NEDD1: variants seen among roughly 807,000 people sequenced by gnomAD.
NEDD1 encodes NEDD1 gamma-tubulin ring complex targeting factor.
Under a neutral mutation model 74.0 loss-of-function variants are expected in NEDD1, and 33 were observed. The ratio of observed to expected loss-of-function variants is 0.45; its 90% CI spans 0.34 to 0.60. The LOEUF is 0.60. Among genes scored for constraint, NEDD1 ranks in the 20% least tolerant of loss-of-function variants. The pLI is 0.01. For missense variants in NEDD1, 746 were observed against 776.5 expected, an observed-to-expected ratio of 0.96 and a Z score of 0.47; for synonymous variants, 250 against 264.4, an observed-to-expected ratio of 0.95 and a Z score of 0.53.
At chr12:96,935,875 A>T (rs1481598907) in intron 7 of NEDD1, among the ~76,000 whole-genome samples, 2 of 152,196 alleles carry the variant, frequency 1.3e-5, no homozygotes, top group African/African-American at 4.8e-5. Flanking sequence ...TGTATTCAAG[A>T]TGCTTACCAC....
chr12:96,946,937 C>T (rs1252351242), intron 14 of NEDD1, among the ~76,000 whole-genome samples: 1 of 152,112 alleles, frequency 6.6e-6, no homozygotes, highest in Non-Finnish European at 1.5e-5. Flanking sequence ...GATTATTTCC[C>T]ATCTTTGGGC....
At chr12:96,942,336 G>C (rs112236261) in intron 10 of NEDD1, among the ~76,000 whole-genome samples, 2 of 152,066 alleles carry the variant, frequency 1.3e-5, no homozygotes, top group African/African-American at 4.8e-5. Context: ...ACTATACCTT[G>C]CTGCCTCATT....
In NEDD1 at chr12:96,944,768, C is replaced by T; in HGVS notation, c.1627C>T (p.Pro543Ser). The T allele has an allele frequency of 6.4e-7, 1 of 1,572,128 alleles. No homozygotes were observed. The highest frequency in any genetic ancestry group is 8.6e-7 in the Non-Finnish European group (1 of 1,163,512). The change falls in exon 13 of 16, where the codon CCC becomes TCC. Residue 543 changes from proline to serine, a missense_variant. Around this residue, in one of 3 missense-constraint regions of NEDD1, gnomAD observed 706 missense variants for 706.7 expected, o/e 1.00. Coordinates refer to ENST00000266742, the MANE Select transcript of NEDD1 (RefSeq NM_152905.4). ...AATTGAAGCCCAGTTGATATGTGAA[C>T]CCCCAATCAATGGATCCTCAACTCC... ...NEIEAQLICEPPINGSSTPNP... is the reference protein window; with the variant it reads ...NEIEAQLICESPINGSSTPNP...
chr12:96,934,734 C>T (rs1020226239), intron 6 of NEDD1, among the ~76,000 whole-genome samples: 1 of 151,950 alleles, frequency 6.6e-6, no homozygotes, highest in African/African-American at 2.4e-5. Context: ...GATGGGGTTT[C>T]ACTAGGTTGG....
At position 96,935,017 on chromosome 12, in the gene NEDD1, A is replaced by G. The variant is rs780902090; in HGVS notation, c.531A>G (p.Leu177=). 1.2e-6 allele frequency: 2 copies of G among 1,611,260 alleles called. No individual in the cohort carries two copies. Among genetic ancestry groups the G allele is most frequent in the South Asian group, 2.2e-5 (2 of 91,030 alleles). The change falls in exon 7 of 16, where the codon CTA becomes CTG. Residue 177 remains leucine (L), a synonymous_variant. Transcript: ENST00000266742. The stretch of plus-strand genomic sequence containing the variant: ...AGTACTCCTTGTTTAAGAAATCACT[A>G]CTGGGCAGTGTTTCGGATAATGGAA... ...HLKYSLFKKS[L]LGSVSDNGIV...
chr12:96,928,281 T>C (rs564912566), intron 6 of NEDD1, among the ~76,000 whole-genome samples: 1 of 152,320 alleles, frequency 6.6e-6, no homozygotes, highest in South Asian at 2.1e-4. Context: ...TAATTTTTAA[T>C]GACTGGATGT....
At chr12:96,925,938 AC>A (rs1875641937) in intron 6 of NEDD1, among the ~76,000 whole-genome samples, 2 of 152,138 alleles carry the variant, frequency 1.3e-5, no homozygotes, top group African/African-American at 2.4e-5. Flanking sequence ...GGAGTAAAGC[AC>A]CTTAGCTAGC....
At chr12:96,944,865 A>T in intron 13 of NEDD1, 70 bp downstream of exon 13, 1 of 1,185,370 alleles carries the variant, frequency 8.4e-7, no homozygotes. Flanking sequence ...TTTAACTTGT[A>T]AAGGAGAAAT....
At chr12:96,942,673 T>A (rs1281639473) in intron 11 of NEDD1, 49 bp downstream of exon 11, 1 of 883,656 alleles carries the variant, frequency 1.1e-6, no homozygotes, top group Non-Finnish European at 1.9e-6. Context: ...GTGAATTGTA[T>A]TATCTATGCT....
At chr12:96,930,205 ACACACACTCTCTCT>A (rs1241783956) in intron 6 of NEDD1, among the ~76,000 whole-genome samples, 12 of 76,460 alleles carry the variant, frequency 1.6e-4, no homozygotes, top group African/African-American at 5.8e-4. Context: ...ACACACACAC[ACACACACTCTCTCT>A]CTCTCTCTCT....
At chr12:96,951,392 A>C (rs746596709) in intron 14 of NEDD1, 40 bp from the exon 15 acceptor site, 2 of 1,192,758 alleles carry the variant, frequency 1.7e-6, no homozygotes, top group Admixed American at 2.0e-5. Context: ...GAATTGGTTA[A>C]ACTATTGTAA....
At chr12:96,912,951 T>C (rs915598246) in intron 4 of NEDD1, 134 bp downstream of exon 4, 1 of 558,302 alleles carries the variant, frequency 1.8e-6, no homozygotes, top group Non-Finnish European at 3.2e-6. Context: ...CAAAATAATA[T>C]AGTAACACTT....
intron 6 of NEDD1, among the ~76,000 whole-genome samples, chr12:96,932,369 A>G: frequency 7.2e-6 from 1 of 139,024 alleles, no homozygotes; most frequent in Non-Finnish European, 1.5e-5. Flanking sequence ...CACTTTGGGA[A>G]GCTGAGGCAG....
intron 3 of NEDD1, among the ~76,000 whole-genome samples, chr12:96,911,993 A>T (rs895867710): frequency 6.6e-6 from 1 of 152,154 alleles, no homozygotes; most frequent in Non-Finnish European, 1.5e-5. Flanking sequence ...TCTCAAAATC[A>T]GACTCTTATT....
intron 5 of NEDD1, among the ~76,000 whole-genome samples, chr12:96,919,158 G>C (rs1874788399): frequency 6.6e-6 from 1 of 152,128 alleles, no homozygotes; most frequent in Non-Finnish European, 1.5e-5. Flanking sequence ...GGAAAACATA[G>C]TCCTTGTGAA....
Position 96,935,158 on chromosome 12 carries a change from C to T in NEDD1, c.672C>T (p.Thr224=). 1.2e-6 allele frequency: 2 copies of T among 1,612,306 alleles called. No homozygotes were observed. Among genetic ancestry groups the T allele is most frequent in the South Asian group, 1.1e-5 (1 of 91,044 alleles). ...CTGTCAATGAATTGCTCTTTGTAAC[C>T]ATAGGCTTGGATAAAAGAATCATCC... ...FSPVNELLFV[T]IGLDKRIILY... is the part of the protein sequence containing the mutation. The change falls in exon 7 of 16, where the codon ACC becomes ACT. Residue 224 remains threonine (T), a synonymous_variant. Coordinates refer to ENST00000266742, the MANE Select transcript of NEDD1 (RefSeq NM_152905.4).
rs969602965 is a variant in NEDD1, at chr12:96,953,551, A to T, written c.*1498A>T. The stretch of plus-strand genomic sequence containing the variant: ...ATTAATATTTTCCTGTTGCTTTTTT[A>T]AAAAAATAAATACACATAATGTATA... On this transcript the variant is annotated 3_prime_UTR_variant, in exon 16 of 16. Coordinates refer to ENST00000266742, the MANE Select transcript of NEDD1 (RefSeq NM_152905.4). 17 of 151,290 alleles carry T rather than the reference A, an allele frequency of 1.1e-4. No individual in the cohort carries two copies. The East Asian group carries it at 1.9e-3, about 17-fold the overall frequency. 9.4% of individuals were successfully genotyped at this position (151,290 alleles called of 1,614,324 possible).
At chr12:96,931,095 CAAG>C (rs1321193716) in intron 6 of NEDD1, among the ~76,000 whole-genome samples, 1 of 152,004 alleles carries the variant, frequency 6.6e-6, no homozygotes, top group Non-Finnish European at 1.5e-5. Context: ...CCCTGGGAAT[CAAG>C]AAGATAGGAT....
chr12:96,910,017 C>A, intron 3 of NEDD1, 122 bp downstream of exon 3: 1 of 984,166 alleles, frequency 1.0e-6, no homozygotes, highest in African/African-American at 1.7e-5. Flanking sequence ...GCATTGCTAC[C>A]AAGGATAGAT....
Sources: gnomAD v4.1 joint callset for allele counts (sites outside exome capture counted in the v4.1 genomes callset) on GRCh38, gnomAD v4.1.1 for gene constraint, gnomAD v4.1.1 regional missense constraint, MANE v1.5 for transcripts, NCBI Gene and HGNC (gene_info 2026-07-23, HGNC 2026-07-21) for gene names.